Variants in HELZ observed in about 807,000 individuals in gnomAD.
The protein encoded by HELZ is helicase with zinc finger.
A neutral mutation model predicts 218.2 loss-of-function variants in HELZ; 23 were observed. That is an observed-to-expected ratio of 0.11 (90% confidence interval 0.08 to 0.15). HELZ has a LOEUF of 0.15. HELZ is among the 10% of genes least tolerant of loss of function. The pLI is 1.00. For missense variants in HELZ, 1,813 were observed against 2,353.7 expected (o/e 0.77, Z 4.75); for synonymous variants, 814 against 829.4 (o/e 0.98, Z 0.32).
At chr17:67,119,964 T>A (rs570468391) in intron 27 of HELZ, 1 of 418,526 alleles carries the variant, frequency 2.4e-6, no homozygotes, top group Admixed American at 3.0e-5. Context: ...AGAGGATCCA[T>A]AGTTTATATG....
chr17:67,195,251 G>C (rs1256446566), intron 8 of HELZ, among the ~76,000 whole-genome samples, 168 bp downstream of exon 8: 3 of 152,140 alleles, frequency 2.0e-5, no homozygotes, highest in Non-Finnish European at 4.4e-5. Context: ...AAAGGTGCCA[G>C]GGAGAAAATT....
chr17:67,244,916 G>A (rs1399988901), intron 1 of HELZ: 15 of 985,892 alleles, frequency 1.5e-5, no homozygotes, highest in Non-Finnish European at 1.8e-5. Flanking sequence ...CCCAGCGGAG[G>A]GGAAGGGGAC....
rs2040216656 is a variant in HELZ, at chr17:67,203,330, C to T, written c.361G>A (p.Gly121Arg). Reference sequence around the variant, plus strand: ...GCTTATCAACATACCAGGGACTCTCCTGTGAGTGACTTGGCAAGAATGGTG... The same window carrying T: ...GCTTATCAACATACCAGGGACTCTCTTGTGAGTGACTTGGCAAGAATGGTG... ...VSTILAKSLT[G>R]ESLNGMVTKD... The change falls in exon 6 of 33, where the codon GGA (glycine) becomes AGA (arginine). Residue 121 changes from glycine (G) to arginine (R), a missense_variant. By Grantham distance (125) the Gly-to-Arg change is moderately radical. Around this residue, in one of 4 missense-constraint regions of HELZ, gnomAD observed 714 missense variants for 1,029.2 expected, o/e 0.69. Coordinates refer to ENST00000358691, the MANE Select transcript of HELZ (RefSeq NM_014877.4). 2 of 1,614,042 alleles carry T rather than the reference C, an allele frequency of 1.2e-6. No homozygotes were observed. Among genetic ancestry groups the T allele is most frequent in the South Asian group, 2.2e-5 (2 of 91,076 alleles).
intron 8 of HELZ, 146 bp from the exon 9 acceptor site, chr17:67,194,188 A>G (rs899428126): frequency 3.3e-6 from 2 of 611,056 alleles, no homozygotes; most frequent in Non-Finnish European, 5.8e-6. Flanking sequence ...TCTACCAAAA[A>G]GTAATCTACC....
At position 67,078,566 on chromosome 17, in the gene HELZ, G is replaced by A; in HGVS notation, c.5515C>T (p.Pro1839Ser). ...ELIAPPKTVK[P>S]PEDQLKSENL... ...TCCGACTTCAGTTGATCCTCAGGGG[G>A]TTTGACAGTCTTGGGTGGCGCTAAA... is the stretch of plus-strand genomic sequence containing the variant. Residue 1839 changes from proline to serine, a missense_variant, in exon 33 of 33, where the codon CCC becomes TCC. Pro to Ser is a moderately conservative substitution (Grantham distance 74). Around this residue, in one of 4 missense-constraint regions of HELZ, gnomAD observed 938 missense variants for 1,027.5 expected, o/e 0.91. Transcript: ENST00000358691. 6.7e-7 allele frequency: 1 copy of A among 1,494,892 alleles called. No homozygotes were observed. The highest frequency in any genetic ancestry group is 2.3e-5 in the East Asian group (1 of 42,584). 92.6% of individuals were successfully genotyped at this position (1,494,892 alleles called of 1,614,324 possible).
At position 67,108,407 on chromosome 17, in the gene HELZ, A is replaced by T; in HGVS notation, c.4724+85T>A. 2.0e-6 allele frequency: 2 copies of T among 982,098 alleles called. No individual in the cohort carries two copies. The highest frequency in any genetic ancestry group is 3.1e-6 in the Non-Finnish European group (2 of 635,588). The allele number at this position is 982,098 out of a possible 1,614,324, so 60.8% of individuals were successfully genotyped here. ...TCCAATTTCTCTGAGGCAATATTCC[A>T]GCTTGAAGCTAAAAGGACTACAGTC... On this transcript the variant is annotated intron_variant, in intron 30 of 32. Transcript: ENST00000358691. The surrounding 1 kb of genome is among the most constrained non-coding windows in gnomAD (Gnocchi z 4.1).
chr17:67,142,025 C>G (rs1306814476), intron 21 of HELZ, among the ~76,000 whole-genome samples: 1 of 151,692 alleles, frequency 6.6e-6, no homozygotes, highest in East Asian at 1.9e-4. Context: ...GCCTGGGCAA[C>G]AGAGTGAGAC....
At chr17:67,157,672 T>TA (rs2038883244) in intron 17 of HELZ, among the ~76,000 whole-genome samples, 1 of 152,192 alleles carries the variant, frequency 6.6e-6, no homozygotes, top group Non-Finnish European at 1.5e-5. Context: ...ACACGAATTA[T>TA]AAGAGAGAGT....
At chr17:67,225,172 G>A (rs2040856631) in intron 3 of HELZ, 1 of 368,226 alleles carries the variant, frequency 2.7e-6, no homozygotes. Context: ...AGCTTTTACT[G>A]AAGGTTCATC....
intron 18 of HELZ, 106 bp from the exon 19 acceptor site, chr17:67,150,091 T>C (rs762835729): frequency 6.2e-6 from 4 of 648,902 alleles, no homozygotes; most frequent in African/African-American, 5.6e-5. Flanking sequence ...AGTTTGCTAA[T>C]CTAAGAGTAT....
chr17:67,219,338 A>C (rs560164200), intron 3 of HELZ, among the ~76,000 whole-genome samples: 213 of 152,352 alleles, frequency 1.4e-3, no homozygotes, highest in Non-Finnish European at 2.1e-3. Flanking sequence ...AATTCAACAA[A>C]CATTTCTCGA....
At chr17:67,170,389 C>T (rs2039272534) in intron 13 of HELZ, among the ~76,000 whole-genome samples, 1 of 152,174 alleles carries the variant, frequency 6.6e-6, no homozygotes, top group African/African-American at 2.4e-5. Flanking sequence ...GTGGCACATG[C>T]CTGTAATCCC....
upstream of HELZ, chr17:67,245,572 G>A: frequency 1.0e-6 from 1 of 960,886 alleles, no homozygotes; most frequent in Non-Finnish European, 1.2e-6. Flanking sequence ...ATTTATTTGT[G>A]CGCGTGGATG....
intron 5 of HELZ, chr17:67,215,668 A>T: frequency 1.9e-6 from 1 of 527,804 alleles, no homozygotes. Flanking sequence ...TCAAAAGGAC[A>T]CATCATCAAT....
intron 27 of HELZ, among the ~76,000 whole-genome samples, chr17:67,115,222 G>A (rs2037394041): frequency 6.6e-6 from 1 of 151,884 alleles, no homozygotes; most frequent in South Asian, 2.1e-4. Flanking sequence ...GAAAAATCTG[G>A]CAAATTTGAA....
At chr17:67,171,234 C>CTCTCCCAGA (rs1244550299) in intron 13 of HELZ, among the ~76,000 whole-genome samples, 3 of 152,094 alleles carry the variant, frequency 2.0e-5, no homozygotes, top group Admixed American at 6.5e-5. Context: ...ATAGGTCACC[C>CTCTCCCAGA]TCTCCCAGAT....
At position 67,167,522 on chromosome 17, in the gene HELZ, A is replaced by T; in HGVS notation, c.1705T>A (p.Leu569Ile). ...IEEKTKEYIFLRLSRECCEEL... is the reference protein window; with the variant it reads ...IEEKTKEYIFIRLSRECCEEL... The stretch of plus-strand genomic sequence containing the variant: ...TCACAGCATTCCCTAGATAGCCTTA[A>T]AAATATATATTCCTTTGTTTTTTCT... The change falls in exon 14 of 33, where the codon TTA becomes ATA. Residue 569 changes from leucine to isoleucine, a missense_variant. Physicochemically the swap from Leu to Ile is conservative, Grantham distance 5. Transcript: ENST00000358691. The T allele has an allele frequency of 1.2e-6, 2 of 1,613,900 alleles. No individual in the cohort carries two copies. Among genetic ancestry groups the T allele is most frequent in the Non-Finnish European group, 1.7e-6 (2 of 1,179,782 alleles).
intron 5 of HELZ, among the ~76,000 whole-genome samples, chr17:67,208,462 A>C (rs2143185230): frequency 6.6e-6 from 1 of 152,264 alleles, no homozygotes; most frequent in East Asian, 1.9e-4. Context: ...AACTGGGGGA[A>C]AGTAGGTGAA....
chr17:67,146,967 G>C (rs2038516580), intron 20 of HELZ, among the ~76,000 whole-genome samples: 1 of 152,090 alleles, frequency 6.6e-6, no homozygotes, highest in Non-Finnish European at 1.5e-5. Flanking sequence ...CTGAGTTGTT[G>C]AGATATATAC....
Sources: gnomAD v4.1 joint callset for allele counts (sites outside exome capture counted in the v4.1 genomes callset) on GRCh38, gnomAD v4.1.1 for gene constraint, gnomAD v4.1.1 regional missense constraint, Gnocchi (gnomAD v3.1) non-coding constraint, MANE v1.5 for transcripts, NCBI Gene and HGNC (gene_info 2026-07-23, HGNC 2026-07-21) for gene names.